PALM2AKAP2: variants seen among roughly 807,000 people sequenced by gnomAD.
The protein encoded by PALM2AKAP2 is PALM2 and AKAP2 fusion.
In PALM2AKAP2, 37 loss-of-function variants were observed where a neutral mutation model predicts 71.5. The ratio of observed to expected loss-of-function variants is 0.52; its 90% CI spans 0.40 to 0.68. The LOEUF (loss-of-function observed/expected upper bound fraction) is 0.68, where lower values mean the gene tolerates loss of function less well. PALM2AKAP2 is among the 30% of genes least tolerant of loss of function. The pLI is 0.00. For synonymous variants in PALM2AKAP2, 468 were observed against 478.8 expected, an observed-to-expected ratio of 0.98 and a Z score of 0.29; for missense variants, 1,224 against 1,191.8, an observed-to-expected ratio of 1.03 and a Z score of -0.40.
intron 1 of PALM2AKAP2, among the ~76,000 whole-genome samples, chr9:109,727,228 A>G (rs1828489729): frequency 6.6e-6 from 1 of 152,090 alleles, no homozygotes; most frequent in Non-Finnish European, 1.5e-5. Context: ...ACTTGGCCAT[A>G]TGCTTTAAGT....
chr9:110,166,555 C>G (rs959652708), intron 3 of PALM2AKAP2, among the ~76,000 whole-genome samples: 12 of 152,214 alleles, frequency 7.9e-5, no homozygotes, highest in Admixed American at 6.5e-5. Context: ...ATGCTTTCCT[C>G]CTACTAATTT....
chr9:109,839,658 A>G (rs547343257), intron 1 of PALM2AKAP2, among the ~76,000 whole-genome samples: 1 of 152,218 alleles, frequency 6.6e-6, no homozygotes, highest in Non-Finnish European at 1.5e-5. Flanking sequence ...TAAGCTGATA[A>G]GCAACTTCAG....
rs942598268 is a variant in PALM2AKAP2, at chr9:110,025,353, C to T, written c.582+9314C>T. ...AGCCTCTCCTCTTTCCCTTTGTGTT[C>T]GTCATTTTGGCGAATTACTGGAAGA... is the stretch of plus-strand genomic sequence containing the variant. On this transcript the variant is annotated intron_variant, in intron 7 of 9. Transcript: ENST00000302798. The T allele has an allele frequency of 6.2e-5, 71 of 1,136,866 alleles. 2 individuals are homozygous for T. The Admixed American group carries it at 9.0e-4, about 14-fold the overall frequency. 70.4% of individuals were successfully genotyped at this position (1,136,866 alleles called of 1,614,324 possible).
At chr9:109,958,484 C>T (rs1459640709) in intron 6 of PALM2AKAP2, among the ~76,000 whole-genome samples, 3 of 152,090 alleles carry the variant, frequency 2.0e-5, no homozygotes, top group Non-Finnish European at 2.9e-5. Flanking sequence ...CCAACTTGCT[C>T]ATCTATAAAA....
upstream of PALM2AKAP2, among the ~76,000 whole-genome samples, chr9:110,044,443 C>T (rs1833562784): frequency 6.7e-6 from 1 of 148,424 alleles, no homozygotes; most frequent in South Asian, 2.1e-4. Flanking sequence ...CTTCTGCCTC[C>T]AGGGTTCAAG....
chr9:109,669,287 A>G (rs548160432), intron 1 of PALM2AKAP2, among the ~76,000 whole-genome samples: 6 of 151,706 alleles, frequency 4.0e-5, no homozygotes, highest in African/African-American at 9.7e-5. Context: ...CAATGAATAC[A>G]TGTTACATTT....
At chr9:110,078,105 A>G (rs997873731) in intron 1 of PALM2AKAP2, among the ~76,000 whole-genome samples, 5 of 152,178 alleles carry the variant, frequency 3.3e-5, no homozygotes, top group African/African-American at 1.2e-4. Flanking sequence ...TTGCTGCTCA[A>G]ACTTGAAAAC....
At chr9:110,100,928 G>A (rs904845995) in intron 1 of PALM2AKAP2, among the ~76,000 whole-genome samples, 2 of 152,138 alleles carry the variant, frequency 1.3e-5, no homozygotes, top group Non-Finnish European at 2.9e-5. Context: ...GGTGGCTTCC[G>A]GGGAGGTGAG....
intron 1 of PALM2AKAP2, among the ~76,000 whole-genome samples, chr9:109,653,785 A>C (rs902965352): frequency 2.6e-5 from 4 of 152,190 alleles, no homozygotes; most frequent in Non-Finnish European, 5.9e-5. Context: ...TATATAACAC[A>C]AGATGTGGGT....
At chr9:109,958,063 T>C (rs1456356102) in intron 6 of PALM2AKAP2, among the ~76,000 whole-genome samples, 1 of 152,084 alleles carries the variant, frequency 6.6e-6, no homozygotes, top group African/African-American at 2.4e-5. Flanking sequence ...GAATAATACC[T>C]ACCTTGCAAG....
intron 7 of PALM2AKAP2, among the ~76,000 whole-genome samples, chr9:110,033,154 G>T (rs1238390518): frequency 6.6e-6 from 1 of 152,032 alleles, no homozygotes; most frequent in African/African-American, 2.4e-5. Context: ...TTCTTGCAAA[G>T]AAAATATAAA....
rs183191185 is a variant in PALM2AKAP2, at chr9:109,714,082, C to T, written c.6-66406C>T. Among the ~76,000 whole-genome samples, 393 of 152,316 alleles carry T rather than the reference C, an allele frequency of 2.6e-3. 2 individuals carry two copies. Among genetic ancestry groups the T allele is most frequent in the South Asian group, 0.011 (51 of 4,828 alleles). On this transcript the variant is annotated intron_variant, in intron 1 of 6. Transcript: ENST00000374531. Reference sequence around the variant, plus strand: ...AAAAATTAATTAGCTAGACAACTTTCCAGCCTGATTGTTTATTCACTGCCA... The same window carrying T: ...AAAAATTAATTAGCTAGACAACTTTTCAGCCTGATTGTTTATTCACTGCCA...
intron 1 of PALM2AKAP2, among the ~76,000 whole-genome samples, chr9:110,103,312 T>G (rs1391241018): frequency 6.6e-6 from 1 of 152,204 alleles, no homozygotes. Flanking sequence ...TCAGTTGCCT[T>G]GGTGAATGAA....
chr9:109,859,165 T>C (rs1829248132), intron 1 of PALM2AKAP2, among the ~76,000 whole-genome samples: 1 of 152,202 alleles, frequency 6.6e-6, no homozygotes, highest in African/African-American at 2.4e-5. Context: ...AGGCTCGAAC[T>C]AATCAATGTC....
chr9:109,722,345 T>C (rs571420521), intron 1 of PALM2AKAP2, among the ~76,000 whole-genome samples: 1 of 152,144 alleles, frequency 6.6e-6, no homozygotes, highest in Non-Finnish European at 1.5e-5. Flanking sequence ...CCTGGAAGCA[T>C]ACATAAGAAA....
chr9:109,866,766 G>T (rs905282220), intron 1 of PALM2AKAP2, among the ~76,000 whole-genome samples: 1 of 152,232 alleles, frequency 6.6e-6, no homozygotes, highest in South Asian at 2.1e-4. Context: ...CTTTATGTAC[G>T]AGAAGACCAA....
At chr9:109,679,500 C>A (rs913219575) in intron 1 of PALM2AKAP2, among the ~76,000 whole-genome samples, 9 of 152,130 alleles carry the variant, frequency 5.9e-5, no homozygotes, top group Admixed American at 1.3e-4. Context: ...GTTTTGCCAT[C>A]GAAAACTCTG....
chr9:110,077,565 C>T (rs1199963404), intron 1 of PALM2AKAP2, among the ~76,000 whole-genome samples: 4 of 152,042 alleles, frequency 2.6e-5, no homozygotes, highest in Non-Finnish European at 5.9e-5. Context: ...TCAGGGCTCT[C>T]TCTTCAGGAT....
intron 1 of PALM2AKAP2, among the ~76,000 whole-genome samples, chr9:109,814,249 G>C (rs1188750576): frequency 6.6e-6 from 1 of 152,102 alleles, no homozygotes; most frequent in Admixed American, 6.5e-5. Context: ...TCTATTGCAG[G>C]GCTATACTTT....
Sources: gnomAD v4.1 joint callset for allele counts (sites outside exome capture counted in the v4.1 genomes callset) on GRCh38, gnomAD v4.1.1 for gene constraint, MANE v1.5 for transcripts, NCBI Gene and HGNC (gene_info 2026-07-23, HGNC 2026-07-21) for gene names.